DRAM1: variants seen among roughly 807,000 people sequenced by gnomAD.
The protein encoded by DRAM1 is DNA damage regulated autophagy modulator 1.
DRAM1 carries 25 observed loss-of-function variants against 28.5 expected under a neutral mutation model. The ratio of observed to expected loss-of-function variants is 0.88; its 90% CI spans 0.64 to 1.23. DRAM1 has a LOEUF of 1.23. Ranked by LOEUF, DRAM1 falls within the 50% of genes most tolerant of loss-of-function variation. The pLI is 0.00. For synonymous variants in DRAM1, 113 were observed against 114.2 expected, an observed-to-expected ratio of 0.99 and a Z score of 0.07; for missense variants, 249 against 299.2, an observed-to-expected ratio of 0.83 and a Z score of 1.24.
At chr12:101,885,025 C>T (rs570831699) in intron 1 of DRAM1, among the ~76,000 whole-genome samples, 10 of 151,668 alleles carry the variant, frequency 6.6e-5, no homozygotes, top group Non-Finnish European at 1.2e-4. Flanking sequence ...CCTCCTGCCA[C>T]CTGGTTCAAG....
At chr12:101,879,834 A>G (rs1342477059) in intron 1 of DRAM1, among the ~76,000 whole-genome samples, 1 of 151,950 alleles carries the variant, frequency 6.6e-6, no homozygotes, top group Non-Finnish European at 1.5e-5. Context: ...TCTCTACTAA[A>G]AATACAGAAA....
intron 1 of DRAM1, among the ~76,000 whole-genome samples, chr12:101,894,838 T>C (rs1873286493): frequency 6.6e-6 from 1 of 152,174 alleles, no homozygotes. Flanking sequence ...TTCCCAGCGC[T>C]TCTCCTCTGT....
chr12:101,894,408 C>T (rs1873266992), intron 1 of DRAM1, among the ~76,000 whole-genome samples: 1 of 152,040 alleles, frequency 6.6e-6, no homozygotes. Context: ...TGAGCTACCA[C>T]ACCCGGCCAA....
At chr12:101,907,647 G>A (rs555511999) in intron 3 of DRAM1, among the ~76,000 whole-genome samples, 5 of 152,302 alleles carry the variant, frequency 3.3e-5, no homozygotes, top group East Asian at 1.9e-4. Context: ...GCTGAGACAG[G>A]AGAATTGCTT....
At chr12:101,891,397 G>A (rs4764831) in intron 1 of DRAM1, among the ~76,000 whole-genome samples, 96,984 of 152,066 alleles carry the variant, frequency 0.64, 32,542 homozygotes, top group East Asian at 0.91. Context: ...TAAATCCTGT[G>A]TATCCAGTAA....
chr12:101,883,845 A>G (rs1224578662), intron 1 of DRAM1, among the ~76,000 whole-genome samples: 1 of 151,454 alleles, frequency 6.6e-6, no homozygotes, highest in Non-Finnish European at 1.5e-5. Context: ...CTGAGGCAGA[A>G]GAATCGCTTG....
chr12:101,907,756 A>G (rs1271370269), intron 3 of DRAM1, among the ~76,000 whole-genome samples: 3 of 152,170 alleles, frequency 2.0e-5, no homozygotes, highest in African/African-American at 7.2e-5. Flanking sequence ...AACAACAACA[A>G]AAAAAGAAAA....
At chr12:101,904,520 C>T (rs1322850728) in intron 3 of DRAM1, among the ~76,000 whole-genome samples, 2 of 134,730 alleles carry the variant, frequency 1.5e-5, no homozygotes, top group Non-Finnish European at 3.1e-5. Flanking sequence ...CGGCTCACTA[C>T]AAGCTCTGCC....
intron 4 of DRAM1, among the ~76,000 whole-genome samples, chr12:101,913,720 AAAAAAAAAGGAAAGG>A (rs1279700869): frequency 6.9e-4 from 104 of 151,766 alleles, no homozygotes; most frequent in African/African-American, 2.2e-3. Flanking sequence ...AAAAAAAAAA[AAAAAAAAAGGAAAGG>A]AAAATAGTAT....
At chr12:101,888,971 A>C (rs1872995565) in intron 1 of DRAM1, among the ~76,000 whole-genome samples, 1 of 151,216 alleles carries the variant, frequency 6.6e-6, no homozygotes, top group Admixed American at 6.6e-5. Flanking sequence ...TGCTTGGCTA[A>C]TTTTGTGTTT....
intron 1 of DRAM1, among the ~76,000 whole-genome samples, chr12:101,895,273 G>C (rs1266880567): frequency 7.4e-6 from 1 of 135,956 alleles, no homozygotes; most frequent in Non-Finnish European, 1.5e-5. Context: ...TACCTCCTGG[G>C]TTCAAGTGAT....
rs1874473089 is a variant in DRAM1 at position 101,921,285 on chromosome 12, A to G, written c.*25A>G. On this transcript the variant is annotated 3_prime_UTR_variant, in exon 7 of 7. Coordinates refer to ENST00000258534, the MANE Select transcript of DRAM1 (RefSeq NM_018370.3). ...AAGAAAGAAGAATTCAGTCTCACTC[A>G]GTGAATGTCGCAGGCCATTTCTAAA... The G allele has an allele frequency of 6.3e-7, 1 of 1,598,378 alleles. No individual in the cohort carries two copies. The highest frequency in any genetic ancestry group is 1.3e-5 in the African/African-American group (1 of 74,762).
At chr12:101,915,200 C>T (rs1304315717) in intron 5 of DRAM1, among the ~76,000 whole-genome samples, 6 of 151,256 alleles carry the variant, frequency 4.0e-5, no homozygotes, top group South Asian at 2.1e-4. Flanking sequence ...AGGATGGTCT[C>T]GATCTCCTGA....
At chr12:101,884,269 G>C (rs1872798283) in intron 1 of DRAM1, among the ~76,000 whole-genome samples, 1 of 102,042 alleles carries the variant, frequency 9.8e-6, no homozygotes, top group Admixed American at 9.7e-5. Context: ...TGCACCTACA[G>C]TCCCACTTAC....
intron 3 of DRAM1, among the ~76,000 whole-genome samples, chr12:101,907,977 G>T (rs895903808): frequency 6.6e-6 from 1 of 152,056 alleles, no homozygotes; most frequent in East Asian, 1.9e-4. Context: ...CTTGTCCCAT[G>T]AGCCCAGGTT....
At chr12:101,914,317 C>T (rs7955730) in intron 5 of DRAM1, 85 bp downstream of exon 5, 261,478 of 955,606 alleles carry the variant, frequency 0.27, 39,378 homozygotes, top group African/African-American at 0.49. Flanking sequence ...AGATCACTGC[C>T]GTTCCTTAGA....
At chr12:101,901,475 G>A (rs1435748480) in intron 3 of DRAM1, 42 bp downstream of exon 3, 5 of 1,606,008 alleles carry the variant, frequency 3.1e-6, no homozygotes, top group Non-Finnish European at 4.3e-6. Context: ...GTGGTGGAGT[G>A]TATGTGTCTG....
chr12:101,908,157 G>T, intron 3 of DRAM1, 29 bp from the exon 4 acceptor site: 1 of 1,583,994 alleles, frequency 6.3e-7, no homozygotes, highest in Non-Finnish European at 8.6e-7. Context: ...CCCACCCAGA[G>T]TAACACACAT....
intron 5 of DRAM1, 158 bp from the exon 6 acceptor site, chr12:101,919,951 A>G (rs1382467226): frequency 9.3e-6 from 4 of 428,866 alleles, no homozygotes; most frequent in Admixed American, 8.8e-5. Flanking sequence ...GTGCCCTGAC[A>G]CTTAGTAACG....
Sources: gnomAD v4.1 joint callset for allele counts (sites outside exome capture counted in the v4.1 genomes callset) on GRCh38, gnomAD v4.1.1 for gene constraint, MANE v1.5 for transcripts, NCBI Gene and HGNC (gene_info 2026-07-23, HGNC 2026-07-21) for gene names.